The following HAUS4 variants were observed in gnomAD, a reference collection of about 807,000 sequenced individuals.
HAUS4 encodes HAUS augmin like complex subunit 4, also known as HAUS augmin-like complex subunit 4.
Under a neutral mutation model 50.6 loss-of-function variants are expected in HAUS4, and 34 were observed. That is an observed-to-expected ratio of 0.67 (90% CI 0.51 to 0.90). The LOEUF is 0.90. HAUS4 is among the 40% of genes least tolerant of loss of function. The pLI is 0.00. For missense variants in HAUS4, 370 were observed against 428.7 expected (o/e 0.86, Z 1.21); for synonymous variants, 149 against 161.4 (o/e 0.92, Z 0.58).
Position 22,947,186 on chromosome 14 carries a change from A to C in HAUS4, c.893T>G (p.Val298Gly). ...SDTYTVEKVEVHRLIRDRLEG... is the reference protein window; with the variant it reads ...SDTYTVEKVEGHRLIRDRLEG... ...GAGTTCTCACCTAATCAGACGATGA[A>C]CTTCCACTTTCTCAACAGTGTAAGT... Residue 298 changes from valine (V) to glycine (G), a missense_variant, in exon 9 of 10, where the codon GTT (valine) becomes GGT (glycine). By Grantham distance (109) the Val-to-Gly change is moderately radical (BLOSUM62 -3). Coordinates refer to ENST00000541587, the MANE Select transcript of HAUS4 (RefSeq NM_001166269.2). The C allele has an allele frequency of 6.2e-7, 1 of 1,601,172 alleles. No individual in the cohort carries two copies.
intron 5 of HAUS4, among the ~76,000 whole-genome samples, chr14:22,951,194 G>A (rs1433808652): frequency 1.3e-5 from 2 of 149,632 alleles, no homozygotes; most frequent in East Asian, 2.0e-4. Flanking sequence ...TGGTAGAGAC[G>A]AGGTCTCACT....
intron 8 of HAUS4, 123 bp from the exon 9 acceptor site, chr14:22,947,362 C>CA: frequency 1.3e-6 from 1 of 767,388 alleles, no homozygotes; most frequent in Admixed American, 2.2e-5. Flanking sequence ...TAAACAAGGT[C>CA]ACTCTGAATT....
chr14:22,947,874 G>GT lies in HAUS4; in HGVS notation c.701dup (p.Tyr234Ter). The GT allele has an allele frequency of 6.2e-7, 1 of 1,613,246 alleles. No homozygotes were observed. The highest frequency in any genetic ancestry group is 2.2e-5 in the East Asian group (1 of 44,878). ...MLLLEKKSAA[Y>*]SQVLLRCLTL... ...GTCCCATGCCCTGATAAACCTGGGA[G>GT]TAAGCAGCACTCTTCTTCTCCAGCA... Residue 234 changes from tyrosine to a stop codon, truncating the protein, a stop_gained and frameshift_variant, in exon 7 of 10, where the codon TAC becomes TAAC. Coordinates refer to ENST00000541587, the MANE Select transcript of HAUS4 (RefSeq NM_001166269.2). LOFTEE classifies it high-confidence loss of function.
intron 9 of HAUS4, 38 bp downstream of exon 9, chr14:22,947,133 C>A: frequency 7.7e-7 from 1 of 1,293,006 alleles, no homozygotes; most frequent in Non-Finnish European, 1.1e-6. Context: ...GTGAGAACCA[C>A]CTGTGAACAG....
intron 5 of HAUS4, among the ~76,000 whole-genome samples, chr14:22,951,202 A>C (rs2044746228): frequency 6.7e-6 from 1 of 150,140 alleles, no homozygotes; most frequent in Non-Finnish European, 1.5e-5. Flanking sequence ...ACGAGGTCTC[A>C]CTATGTTGCC....
intron 6 of HAUS4, chr14:22,948,291 A>C (rs923511445): frequency 2.8e-6 from 1 of 361,732 alleles, no homozygotes; most frequent in Non-Finnish European, 5.0e-6. Flanking sequence ...TCTATAAAAA[A>C]AATTCTAAAA....
At chr14:22,948,134 T>C in intron 6 of HAUS4, 121 bp from the exon 7 acceptor site, 2 of 1,028,252 alleles carry the variant, frequency 1.9e-6, no homozygotes, top group Non-Finnish European at 2.8e-6. Context: ...ACAGGTTTTC[T>C]TCTAATAATC....
At chr14:22,946,763 G>C in intron 9 of HAUS4, 55 bp from the exon 10 acceptor site, 1 of 1,224,710 alleles carries the variant, frequency 8.2e-7, no homozygotes, top group Non-Finnish European at 1.1e-6. Context: ...TCAGAAAGTA[G>C]TGGACAAAAA....
At chr14:22,949,239 C>T (rs561707199) in intron 6 of HAUS4, among the ~76,000 whole-genome samples, 21 of 149,058 alleles carry the variant, frequency 1.4e-4, no homozygotes, top group African/African-American at 4.9e-4. Flanking sequence ...AAAAATGATA[C>T]ACATTCAGGG....
At chr14:22,948,454 CG>C (rs35564273) in intron 6 of HAUS4, among the ~76,000 whole-genome samples, 1,202 of 58,920 alleles carry the variant, frequency 0.02, 44 homozygotes, top group African/African-American at 0.11. Flanking sequence ...AAAAAAAAAG[CG>C]GGGGGGGGGA....
chr14:22,949,547 A>C (rs1042275199), intron 6 of HAUS4, among the ~76,000 whole-genome samples: 6 of 151,830 alleles, frequency 4.0e-5, no homozygotes, highest in African/African-American at 1.4e-4. Context: ...AAAAAAAAAA[A>C]AAAGAGATAC....
Position 22,946,705 on chromosome 14 carries a change from G to C in HAUS4, c.912C>G (p.Asp304Glu). 6.2e-7 allele frequency: 1 copy of C among 1,606,260 alleles called. No homozygotes were observed. Among genetic ancestry groups the C allele is most frequent in the Non-Finnish European group, 8.5e-7 (1 of 1,175,616 alleles). The change falls in exon 10 of 10, where the codon GAC becomes GAG. Residue 304 changes from aspartate (D) to glutamate (E), a missense_variant. By Grantham distance (45) the Asp-to-Glu change is conservative (BLOSUM62 2). Transcript: ENST00000541587. ...GTAGGTGAATGGCTCCCTCCAAACGGTCCCTAAGAGCCCGGGCAGAGAAGG... is the reference window on the plus strand; with the variant it reads ...GTAGGTGAATGGCTCCCTCCAAACGCTCCCTAAGAGCCCGGGCAGAGAAGG... ...EKVEVHRLIR[D>E]RLEGAIHLQE...
In HAUS4 at chr14:22,951,558, T is replaced by C; in HGVS notation, c.462A>G (p.Ser154=). ...GTTCCAATATCTCCCCGCCAACCTCTGAGAGTGGCATGAGTTCCAGAAGGT... is the reference window on the plus strand; with the variant it reads ...GTTCCAATATCTCCCCGCCAACCTCCGAGAGTGGCATGAGTTCCAGAAGGT... ...KADLLELMPL[S]EDFVWMRARL... Residue 154 remains serine (S), a synonymous_variant, in exon 5 of 10, where the codon TCA becomes TCG. Coordinates refer to ENST00000541587, the MANE Select transcript of HAUS4 (RefSeq NM_001166269.2). 1 of 1,613,980 alleles carries C rather than the reference T, an allele frequency of 6.2e-7. No homozygotes were observed. Among genetic ancestry groups the C allele is most frequent in the Non-Finnish European group, 8.5e-7 (1 of 1,179,888 alleles).
intron 2 of HAUS4, 69 bp from the exon 3 acceptor site, chr14:22,952,752 C>G: frequency 7.7e-7 from 1 of 1,293,146 alleles, no homozygotes; most frequent in Non-Finnish European, 1.0e-6. Context: ...CATAACTGAG[C>G]ATAACTTAAT....
chr14:22,946,756 G>C, intron 9 of HAUS4, 48 bp from the exon 10 acceptor site: 13 of 1,148,512 alleles, frequency 1.1e-5, no homozygotes, highest in African/African-American at 1.6e-5. Context: ...CTGCTCCTCA[G>C]AAAGTAGTGG....
intron 4 of HAUS4, 89 bp from the exon 5 acceptor site, chr14:22,951,778 A>G: frequency 3.9e-6 from 5 of 1,268,408 alleles, no homozygotes; most frequent in South Asian, 1.4e-5. Context: ...AGTTTTTCAC[A>G]TATTTTCAAA....
chr14:22,954,844 GCC>G (rs2044828846), intron 2 of HAUS4, among the ~76,000 whole-genome samples: 1 of 151,070 alleles, frequency 6.6e-6, no homozygotes, highest in African/African-American at 2.4e-5. Context: ...TCCTGCCTCA[GCC>G]TCTGGAGTAG....
chr14:22,953,506 C>T (rs1363145518), intron 2 of HAUS4, among the ~76,000 whole-genome samples: 2 of 152,132 alleles, frequency 1.3e-5, no homozygotes, highest in Admixed American at 6.6e-5. Context: ...AGTGCAATGG[C>T]GTGATCTCGG....
chr14:22,946,372 C>G lies in HAUS4; in HGVS notation c.*153G>C. 2 of 491,582 alleles carry G rather than the reference C, an allele frequency of 4.1e-6. No individual in the cohort carries two copies. Among genetic ancestry groups the G allele is most frequent in the Non-Finnish European group, 7.0e-6 (2 of 284,016 alleles). 30.5% of individuals were successfully genotyped at this position (491,582 alleles called of 1,614,324 possible). The stretch of plus-strand genomic sequence containing the variant: ...CCAGTCATAAAAAATAAAGAGAAAC[C>G]AGGAGAGTGCCTAAATGACTGCAGT... On this transcript the variant is annotated 3_prime_UTR_variant, in exon 10 of 10. Transcript: ENST00000541587.
Sources: allele counts gnomAD v4.1 joint callset (sites outside exome capture counted in the v4.1 genomes callset), GRCh38; gene constraint gnomAD v4.1.1; transcripts MANE v1.5; gene names NCBI Gene and HGNC (gene_info 2026-07-23, HGNC 2026-07-21).